The following PCSK5 variants were observed in gnomAD, a reference collection of about 807,000 sequenced individuals.
The protein encoded by PCSK5 is proprotein convertase subtilisin/kexin type 5.
In PCSK5, 129 loss-of-function variants were observed where a neutral mutation model predicts 233.2. That is an observed-to-expected ratio of 0.55 (90% CI 0.48 to 0.64). The LOEUF (loss-of-function observed/expected upper bound fraction) is 0.64, where lower values mean the gene tolerates loss of function less well. PCSK5 is among the 30% of genes least tolerant of loss of function. The probability of loss-of-function intolerance (pLI) is 0.00; values close to 1 mark genes in which losing one functional copy is unlikely to be tolerated. For missense variants in PCSK5, 2,076 were observed against 2,430.1 expected, an observed-to-expected ratio of 0.85 and a Z score of 3.06; for synonymous variants, 825 against 879.2, an observed-to-expected ratio of 0.94 and a Z score of 1.09.
intron 9 of PCSK5, among the ~76,000 whole-genome samples, chr9:76,126,339 C>T (rs536627521): frequency 2.0e-5 from 3 of 152,292 alleles, no homozygotes; most frequent in South Asian, 4.1e-4. Context: ...ATCAGCTGGG[C>T]GAGGTGGCTC....
intron 24 of PCSK5, among the ~76,000 whole-genome samples, chr9:76,271,593 T>C (rs1272787429): frequency 6.6e-6 from 1 of 151,976 alleles, no homozygotes; most frequent in Non-Finnish European, 1.5e-5. Context: ...CTCAGCACTT[T>C]GGAAGGCCAG....
At chr9:76,351,279 G>T (rs1247526373) in intron 36 of PCSK5, among the ~76,000 whole-genome samples, 6 of 151,660 alleles carry the variant, frequency 4.0e-5, no homozygotes, top group Non-Finnish European at 7.4e-5. Context: ...ACTTCTGTCT[G>T]GTCTAAGCAG....
chr9:76,056,933 A>C (rs1829840938), intron 5 of PCSK5, among the ~76,000 whole-genome samples: 1 of 152,194 alleles, frequency 6.6e-6, no homozygotes, highest in Admixed American at 6.5e-5. Flanking sequence ...GAAAATATGC[A>C]TCTTAGTAAT....
intron 3 of PCSK5, among the ~76,000 whole-genome samples, chr9:75,990,356 C>T (rs553596627): frequency 7.7e-4 from 117 of 152,164 alleles, no homozygotes; most frequent in Non-Finnish European, 1.5e-3. Flanking sequence ...TTTCCCATGT[C>T]GCTCCTCCCC....
intron 15 of PCSK5, among the ~76,000 whole-genome samples, chr9:76,180,071 A>G (rs537753389): frequency 0.1 from 11,102 of 106,724 alleles, 487 homozygotes; most frequent in Middle Eastern, 0.22. Context: ...ATGTTTATAT[A>G]TATATGTGTG....
intron 12 of PCSK5, among the ~76,000 whole-genome samples, chr9:76,162,959 T>C (rs1004396029): frequency 2.6e-5 from 4 of 152,100 alleles, no homozygotes; most frequent in African/African-American, 4.8e-5. Context: ...GCGTGTTGGC[T>C]CCTGGGAGAA....
intron 11 of PCSK5, among the ~76,000 whole-genome samples, chr9:76,158,187 TAAAC>T (rs1375397278): frequency 2.0e-5 from 3 of 152,174 alleles, no homozygotes; most frequent in Non-Finnish European, 2.9e-5. Flanking sequence ...CAAATTCTAA[TAAAC>T]AAATGTTGGA....
chr9:75,899,930 G>A (rs1426961151), intron 1 of PCSK5, among the ~76,000 whole-genome samples: 1 of 152,182 alleles, frequency 6.6e-6, no homozygotes, highest in African/African-American at 2.4e-5. Context: ...GTGTGCAGTA[G>A]TGAGAAGTGC....
chr9:76,009,422 A>G (rs1184086290), intron 3 of PCSK5, among the ~76,000 whole-genome samples: 1 of 151,970 alleles, frequency 6.6e-6, no homozygotes, highest in African/African-American at 2.4e-5. Context: ...AGGTCAGGAG[A>G]TCGAGACCAG....
At chr9:76,130,978 G>T (rs759613370) in intron 9 of PCSK5, among the ~76,000 whole-genome samples, 1 of 152,124 alleles carries the variant, frequency 6.6e-6, no homozygotes, top group Admixed American at 6.5e-5. Context: ...TATTCTTGGA[G>T]ATCAGAGAGG....
intron 22 of PCSK5, among the ~76,000 whole-genome samples, chr9:76,236,108 T>C (rs1216369565): frequency 1.3e-5 from 2 of 152,216 alleles, no homozygotes; most frequent in African/African-American, 4.8e-5. Flanking sequence ...CTCTTCCAGA[T>C]TTATTCACTA....
chr9:76,343,331 ATTTGTGTGTGTGTG>A (rs1005580318), intron 35 of PCSK5, among the ~76,000 whole-genome samples: 6 of 85,688 alleles, frequency 7.0e-5, no homozygotes, highest in African/African-American at 2.0e-4. Flanking sequence ...CACCTGGGTA[ATTTGTGTGTGTGTG>A]TGTGTGTGTG....
intron 2 of PCSK5, among the ~76,000 whole-genome samples, chr9:75,952,104 T>C (rs1006803783): frequency 1.3e-5 from 2 of 152,320 alleles, no homozygotes; most frequent in Admixed American, 6.5e-5. Flanking sequence ...TCCGTCTTTA[T>C]CCATTCATTA....
At chr9:76,091,058 T>C (rs527625373) in intron 7 of PCSK5, among the ~76,000 whole-genome samples, 1 of 152,330 alleles carries the variant, frequency 6.6e-6, no homozygotes, top group South Asian at 2.1e-4. Flanking sequence ...GGAGAATGGC[T>C]GTAAATACAG....
At chr9:76,101,704 T>C (rs1331827777) in intron 8 of PCSK5, among the ~76,000 whole-genome samples, 1 of 152,218 alleles carries the variant, frequency 6.6e-6, no homozygotes, top group Non-Finnish European at 1.5e-5. Flanking sequence ...TCTCCTGATG[T>C]CATTTTATTT....
At chr9:76,307,891 T>G (rs532430970) in intron 28 of PCSK5, among the ~76,000 whole-genome samples, 6 of 152,038 alleles carry the variant, frequency 3.9e-5, no homozygotes, top group Admixed American at 6.6e-5. Flanking sequence ...AATTATCATC[T>G]TGGAGTGAAG....
At chr9:76,194,325 CAA>C (rs1291496357) in intron 20 of PCSK5, 1 of 151,970 alleles carries the variant, frequency 6.6e-6, no homozygotes, top group Non-Finnish European at 1.5e-5. Context: ...TTCCTGGAGT[CAA>C]AAGTTCCCAA....
At chr9:76,120,683 G>T (rs1465191804) in intron 9 of PCSK5, among the ~76,000 whole-genome samples, 1 of 149,910 alleles carries the variant, frequency 6.7e-6, no homozygotes, top group Non-Finnish European at 1.5e-5. Flanking sequence ...TGATTTTCTT[G>T]TTTTTTTTTC....
At position 76,358,282 on chromosome 9, in the gene PCSK5, G is replaced by A. The variant is rs532974676; in HGVS notation, c.5255-231G>A. On this transcript the variant is annotated intron_variant, in intron 37 of 37. Coordinates refer to ENST00000674117, the MANE Select transcript of PCSK5 (RefSeq NM_001372043.1). ...GCACTCTGGGAGACCAAGGTGGGAGGATCTCTTGAGCCCAAGAGTTTGAGA... is the reference window on the plus strand; with the variant it reads ...GCACTCTGGGAGACCAAGGTGGGAGAATCTCTTGAGCCCAAGAGTTTGAGA... Among the ~76,000 whole-genome samples the A allele has an allele frequency of 1.5e-3, 232 of 152,170 alleles. 2 individuals are homozygous for A. Among genetic ancestry groups the A allele is most frequent in the African/African-American group, 5.4e-3 (223 of 41,490 alleles).
Sources: allele counts gnomAD v4.1 joint callset (sites outside exome capture counted in the v4.1 genomes callset), GRCh38; gene constraint gnomAD v4.1.1; transcripts MANE v1.5; gene names NCBI Gene and HGNC (gene_info 2026-07-23, HGNC 2026-07-21).